The following BCKDHB variants were observed in gnomAD, a reference collection of about 807,000 sequenced individuals.
The protein encoded by BCKDHB is 2-oxoisovalerate dehydrogenase subunit beta, mitochondrial.
A neutral mutation model predicts 48.5 loss-of-function variants in BCKDHB; 41 were observed. That is an observed-to-expected ratio of 0.85 (90% CI 0.66 to 1.10). The LOEUF (loss-of-function observed/expected upper bound fraction) is 1.10, where lower values mean the gene tolerates loss of function less well. Among genes scored for constraint, BCKDHB ranks in the 50% least tolerant of loss-of-function variants. The pLI, the probability that BCKDHB is intolerant of heterozygous loss-of-function variation, is 0.00. For synonymous variants in BCKDHB, 201 were observed against 174.8 expected (o/e 1.15, Z -1.18); for missense variants, 496 against 494.2 (o/e 1.00, Z -0.03).
At chr6:80,319,812 C>G (rs1033570507) in intron 9 of BCKDHB, among the ~76,000 whole-genome samples, 2 of 152,090 alleles carry the variant, frequency 1.3e-5, no homozygotes, top group African/African-American at 4.8e-5. Context: ...TAATTATAAT[C>G]TTAAATAAAA....
intron 9 of BCKDHB, among the ~76,000 whole-genome samples, chr6:80,308,203 G>T (rs1254258731): frequency 6.6e-6 from 1 of 151,736 alleles, no homozygotes; most frequent in African/African-American, 2.4e-5. Context: ...TACAATTTGG[G>T]GATTGTGCTG....
At chr6:80,124,536 G>T (rs1307082398) in intron 1 of BCKDHB, among the ~76,000 whole-genome samples, 1 of 152,074 alleles carries the variant, frequency 6.6e-6, no homozygotes, top group Non-Finnish European at 1.5e-5. Context: ...CTCTTTGTAG[G>T]TCTCTAAGGA....
chr6:80,287,028 A>G (rs1039651719), intron 9 of BCKDHB, among the ~76,000 whole-genome samples: 4 of 152,120 alleles, frequency 2.6e-5, no homozygotes, highest in Admixed American at 1.3e-4. Flanking sequence ...TTCAGCTTCT[A>G]TGTCAGGCCA....
the BCKDHB span, among the ~76,000 whole-genome samples, chr6:80,414,306 T>A: frequency 6.6e-6 from 1 of 152,178 alleles, no homozygotes; most frequent in African/African-American, 2.4e-5. Context: ...TTTAATTAGA[T>A]CCCATTTGTC....
At chr6:80,275,312 T>A (rs1777922758) in intron 9 of BCKDHB, among the ~76,000 whole-genome samples, 1 of 152,104 alleles carries the variant, frequency 6.6e-6, no homozygotes, top group South Asian at 2.1e-4. Context: ...ACATGCACTC[T>A]TAATTCAAAA....
intron 3 of BCKDHB, among the ~76,000 whole-genome samples, chr6:80,154,597 GA>G (rs1267896128): frequency 6.6e-6 from 1 of 151,812 alleles, no homozygotes; most frequent in African/African-American, 2.4e-5. Context: ...AATAGTAATT[GA>G]ATTTCTTGGC....
chr6:80,160,834 A>G (rs1772275769), intron 3 of BCKDHB, among the ~76,000 whole-genome samples: 1 of 152,268 alleles, frequency 6.6e-6, no homozygotes, highest in Admixed American at 6.5e-5. Context: ...TCATGGAGTT[A>G]TACAAAGCAG....
intron 8 of BCKDHB, among the ~76,000 whole-genome samples, chr6:80,226,109 A>C (rs1374129190): frequency 2.0e-5 from 3 of 152,236 alleles, no homozygotes. Flanking sequence ...AAATTATGGC[A>C]GTGAGAGTTT....
intron 6 of BCKDHB, among the ~76,000 whole-genome samples, chr6:80,179,366 T>C (rs1230319497): frequency 6.6e-6 from 1 of 152,310 alleles, no homozygotes; most frequent in East Asian, 1.9e-4. Context: ...TGAAAATATT[T>C]GAAAAAATAA....
intron 6 of BCKDHB, among the ~76,000 whole-genome samples, chr6:80,198,686 A>C (rs144712941): frequency 1.5e-3 from 225 of 152,340 alleles, no homozygotes; most frequent in African/African-American, 5.3e-3. Context: ...ATTGTAGAAG[A>C]GTTCTGAACA....
chr6:80,212,629 C>T (rs559033706), intron 8 of BCKDHB, among the ~76,000 whole-genome samples: 1 of 151,990 alleles, frequency 6.6e-6, no homozygotes, highest in Non-Finnish European at 1.5e-5. Flanking sequence ...CCTCAGTTTA[C>T]GAAGATAACA....
chr6:80,281,879 C>T lies in BCKDHB; in HGVS notation c.1038+8658C>T, dbSNP rs763041685. 2.0e-4 allele frequency among the ~76,000 whole-genome samples: 30 copies of T among 151,528 alleles called. 2 individuals carry two copies. In the South Asian group the frequency reaches 5.9e-3, roughly 30 times the overall value. The stretch of plus-strand genomic sequence containing the variant: ...TGAACTTAGAAAAAAAAAAGAAAAC[C>T]ACTAAATCTAAAAGGAAAAGGTAGA... On this transcript the variant is annotated intron_variant, in intron 9 of 9. Coordinates refer to ENST00000320393, the MANE Select transcript of BCKDHB (RefSeq NM_183050.4).
chr6:80,303,897 C>G (rs1456927940), intron 9 of BCKDHB, among the ~76,000 whole-genome samples: 3 of 151,902 alleles, frequency 2.0e-5, no homozygotes, highest in Non-Finnish European at 2.9e-5. Flanking sequence ...AATGTCATAG[C>G]TTTAGGAAAT....
chr6:80,127,574 A>T lies in BCKDHB; in HGVS notation c.224A>T (p.Gln75Leu), dbSNP rs764568237. ...YGQTQKMNLF[Q>L]SVTSALDNSL... is the part of the protein sequence containing the mutation. ...CAAACTCAGAAAATGAATCTTTTCC[A>T]GTCTGTAACAAGTGCCTTGGATAAC... The change falls in exon 2 of 10, where the codon CAG becomes CTG. Residue 75 changes from glutamine (Q) to leucine (L), a missense_variant. Physicochemically the swap from Gln to Leu is moderately radical, Grantham distance 113. Transcript: ENST00000320393. 7 of 1,613,302 alleles carry T rather than the reference A, an allele frequency of 4.3e-6. No homozygotes were observed. The South Asian group carries it at 5.5e-5, about 13-fold the overall frequency.
At chr6:80,431,415 A>C in the BCKDHB span, among the ~76,000 whole-genome samples, 2 of 152,080 alleles carry the variant, frequency 1.3e-5, no homozygotes, top group Non-Finnish European at 2.9e-5. Flanking sequence ...ATATTGCCAG[A>C]GGGGTGTTAA....
intron 8 of BCKDHB, among the ~76,000 whole-genome samples, chr6:80,207,813 T>C (rs1370600719): frequency 1.3e-5 from 2 of 151,780 alleles, no homozygotes; most frequent in African/African-American, 2.4e-5. Flanking sequence ...TAATCCTAAG[T>C]CTATTTCATC....
chr6:80,241,579 C>T (rs1016154064), intron 8 of BCKDHB, among the ~76,000 whole-genome samples: 13 of 152,136 alleles, frequency 8.5e-5, no homozygotes, highest in African/African-American at 3.1e-4. Flanking sequence ...GCATCACCAG[C>T]GGAGGGTGCA....
intron 9 of BCKDHB, among the ~76,000 whole-genome samples, chr6:80,293,387 C>T (rs1301595511): frequency 2.0e-5 from 3 of 152,164 alleles, no homozygotes; most frequent in Non-Finnish European, 2.9e-5. Flanking sequence ...AGGCTTGCAC[C>T]CTCTAAAGCC....
intron 8 of BCKDHB, among the ~76,000 whole-genome samples, chr6:80,229,709 C>T (rs1314848753): frequency 1.3e-5 from 2 of 151,840 alleles, no homozygotes; most frequent in Non-Finnish European, 2.9e-5. Context: ...AATTTAGAAT[C>T]AATGAAATAA....
Sources: allele counts gnomAD v4.1 joint callset (sites outside exome capture counted in the v4.1 genomes callset), GRCh38; gene constraint gnomAD v4.1.1; transcripts MANE v1.5; gene names NCBI Gene and HGNC (gene_info 2026-07-23, HGNC 2026-07-21).